Variants in CNKSR2 observed in about 807,000 individuals in gnomAD.
CNKSR2 encodes the protein CNK homolog protein 2.
In CNKSR2, 14 loss-of-function variants were observed where a neutral mutation model predicts 84.4. That is an observed-to-expected ratio of 0.17 (90% CI 0.11 to 0.26). CNKSR2 has a LOEUF of 0.26. Ranked by LOEUF, CNKSR2 falls within the 10% of genes least tolerant of loss-of-function variation. The probability of loss-of-function intolerance (pLI) is 1.00; values close to 1 mark genes in which losing one functional copy is unlikely to be tolerated. For synonymous variants in CNKSR2, 275 were observed against 277.9 expected, an observed-to-expected ratio of 0.99 and a Z score of 0.10; for missense variants, 485 against 771.2, an observed-to-expected ratio of 0.63 and a Z score of 4.40.
intron 20 of CNKSR2, among the ~76,000 whole-genome samples, chrX:21,628,442 T>C (rs1602053214): frequency 8.9e-6 from 1 of 111,770 alleles, no homozygotes; most frequent in Admixed American, 9.5e-5. Context: ...ATTTCCCTTC[T>C]GCACCGCCCT....
intron 11 of CNKSR2, among the ~76,000 whole-genome samples, chrX:21,540,210 A>G (rs1382036951): frequency 8.9e-6 from 1 of 112,171 alleles, no homozygotes; most frequent in Non-Finnish European, 1.9e-5. Flanking sequence ...AAGTCAAATG[A>G]GTACACATGA....
chrX:21,502,797 G>A (rs1441221981), intron 8 of CNKSR2, among the ~76,000 whole-genome samples: 1 of 111,627 alleles, frequency 9.0e-6, no homozygotes, highest in African/African-American at 3.2e-5. Context: ...AGTGTTGGTA[G>A]TAGACAAAGC....
At chrX:21,458,649 T>A (rs2091022319) in intron 4 of CNKSR2, among the ~76,000 whole-genome samples, 2 of 112,002 alleles carry the variant, frequency 1.8e-5, no homozygotes, top group African/African-American at 6.5e-5. Context: ...CAAGTTAACA[T>A]TTGTCACATA....
intron 3 of CNKSR2, 69 bp downstream of exon 3, chrX:21,432,883 C>T: frequency 9.2e-7 from 1 of 1,085,738 alleles, no homozygotes; most frequent in Non-Finnish European, 1.3e-6. Flanking sequence ...CATTATTTTG[C>T]ATTTTGTTGT....
intron 1 of CNKSR2, among the ~76,000 whole-genome samples, chrX:21,400,777 C>T (rs2090180921): frequency 9.0e-6 from 1 of 110,808 alleles, no homozygotes; most frequent in Non-Finnish European, 1.9e-5. Context: ...TAGGTTGTTG[C>T]CTGAATGAAA....
intron 11 of CNKSR2, among the ~76,000 whole-genome samples, chrX:21,555,732 C>CT (rs1360793278): frequency 1.8e-5 from 2 of 111,335 alleles, no homozygotes; most frequent in East Asian, 5.6e-4. Context: ...CTAGAGAAAG[C>CT]TTTTTTGTGA....
chrX:21,558,415 A>G (rs1239704719), intron 11 of CNKSR2, among the ~76,000 whole-genome samples: 2 of 111,069 alleles, frequency 1.8e-5, no homozygotes, highest in African/African-American at 6.5e-5. Context: ...TGCTGAATCT[A>G]TGGTTTTATA....
chrX:21,374,630 A>AGCAGCCGCAGCAGCCGCAGCAGCC lies in CNKSR2; in HGVS notation c.-266_-265insAGCCGCAGCAGCCGCAGCAGCCGC, dbSNP rs547454548. On this transcript the variant is annotated 5_prime_UTR_variant, in exon 1 of 22. Transcript: ENST00000379510. ...CAGCAGCAGCAGCAGCAGCAGCAGC[A>AGCAGCCGCAGCAGCCGCAGCAGCC]GCCGCCGCCGCCGCCGCCTTAGCGG... is the stretch of plus-strand genomic sequence containing the variant. 5.6e-5 allele frequency: 25 copies of AGCAGCCGCAGCAGCCGCAGCAGCC among 445,359 alleles called. 4 individuals carry two copies. Among genetic ancestry groups the AGCAGCCGCAGCAGCCGCAGCAGCC allele is most frequent in the Middle Eastern group, 1.2e-3 (2 of 1,677 alleles). 36.7% of individuals were successfully genotyped at this position (445,359 alleles called of 1,213,427 possible). A position where few individuals can be genotyped will look rare whatever the true frequency, so the allele number is the denominator to read the frequency against.
At chrX:21,409,143 A>G (rs1215413707) in intron 1 of CNKSR2, among the ~76,000 whole-genome samples, 1 of 103,987 alleles carries the variant, frequency 9.6e-6, no homozygotes, top group Non-Finnish European at 2.0e-5. Context: ...ACATTCAGCT[A>G]TATGACAGAA....
At chrX:21,459,173 C>T (rs1206657652) in intron 4 of CNKSR2, among the ~76,000 whole-genome samples, 2 of 109,882 alleles carry the variant, frequency 1.8e-5, no homozygotes, top group East Asian at 5.7e-4. Context: ...CAGGTGTGCA[C>T]TACCACCACC....
chrX:21,432,506 C>T (rs1457435946), intron 2 of CNKSR2, 106 bp from the exon 3 acceptor site: 1 of 561,744 alleles, frequency 1.8e-6, no homozygotes, highest in East Asian at 3.6e-5. Context: ...TCATTTGTAA[C>T]TCGAATGCTA....
chrX:21,421,288 T>G (rs936437779), intron 1 of CNKSR2, among the ~76,000 whole-genome samples: 3 of 82,354 alleles, frequency 3.6e-5, no homozygotes, highest in African/African-American at 1.7e-4. Context: ...TTTAAGATGG[T>G]TTTTTTTTTT....
intron 13 of CNKSR2, among the ~76,000 whole-genome samples, chrX:21,567,515 A>G (rs998586695): frequency 9.0e-6 from 1 of 111,415 alleles, no homozygotes; most frequent in African/African-American, 3.3e-5. Context: ...GGGGCGAACA[A>G]TGCAAGAGGA....
At chrX:21,601,235 A>G in intron 17 of CNKSR2, 47 bp from the exon 18 acceptor site, 2 of 772,647 alleles carry the variant, frequency 2.6e-6, no homozygotes, top group Non-Finnish European at 3.9e-6. Context: ...AGTAAAATAT[A>G]AGAAATTAGG....
intron 11 of CNKSR2, among the ~76,000 whole-genome samples, chrX:21,537,394 C>A (rs538231083): frequency 1.8e-5 from 2 of 111,169 alleles, no homozygotes; most frequent in South Asian, 7.6e-4. Flanking sequence ...GTCTATAGTG[C>A]AGTTTAAGTC....
chrX:21,426,222 G>A, intron 1 of CNKSR2: 2 of 273,317 alleles, frequency 7.3e-6, no homozygotes, highest in South Asian at 2.3e-4. Context: ...GAAATAGTCA[G>A]CAAGGAGAAC....
At chrX:21,502,709 C>G (rs944659644) in intron 8 of CNKSR2, among the ~76,000 whole-genome samples, 3 of 111,651 alleles carry the variant, frequency 2.7e-5, no homozygotes, top group African/African-American at 9.7e-5. Context: ...TCAATAAGTT[C>G]ATTATCTAAG....
At chrX:21,474,786 A>G (rs1312068319) in intron 5 of CNKSR2, among the ~76,000 whole-genome samples, 1 of 111,988 alleles carries the variant, frequency 8.9e-6, no homozygotes, top group African/African-American at 3.2e-5. Flanking sequence ...AGTGACTGAA[A>G]TCAAGATTTG....
intron 11 of CNKSR2, among the ~76,000 whole-genome samples, chrX:21,550,997 C>G (rs1265102811): frequency 9.4e-6 from 1 of 106,662 alleles, no homozygotes; most frequent in Non-Finnish European, 1.9e-5. Context: ...GACCGTTGCA[C>G]TCCAGCCTGG....
Sources: gnomAD v4.1 joint callset for allele counts (sites outside exome capture counted in the v4.1 genomes callset) on GRCh38, gnomAD v4.1.1 for gene constraint, MANE v1.5 for transcripts, NCBI Gene and HGNC (gene_info 2026-07-23, HGNC 2026-07-21) for gene names.